The following NPAS3 variants were observed in gnomAD, a reference collection of about 807,000 sequenced individuals.
NPAS3 encodes the protein neuronal PAS domain protein 3, also known as neuronal PAS domain-containing protein 3.
NPAS3 carries 14 observed loss-of-function variants against 73.1 expected under a neutral mutation model. The ratio of observed to expected loss-of-function variants is 0.19; its 90% CI spans 0.13 to 0.30. The LOEUF is 0.30. Ranked by LOEUF, NPAS3 falls within the 10% of genes least tolerant of loss-of-function variation. The pLI, the probability that NPAS3 is intolerant of heterozygous loss-of-function variation, is 1.00. For synonymous variants in NPAS3, 620 were observed against 541.5 expected (o/e 1.14, Z -2.01); for missense variants, 1,096 against 1,250.0 (o/e 0.88, Z 1.86).
chr14:33,544,800 A>ATATATT (rs1555409930), intron 4 of NPAS3, among the ~76,000 whole-genome samples: 1 of 84,602 alleles, frequency 1.2e-5, no homozygotes, highest in Admixed American at 1.2e-4. Flanking sequence ...ATATATATAT[A>ATATATT]TATATATATA....
intron 2 of NPAS3, among the ~76,000 whole-genome samples, chr14:33,086,080 G>A (rs1034497870): frequency 4.6e-5 from 7 of 152,160 alleles, no homozygotes; most frequent in Non-Finnish European, 8.8e-5. Context: ...ACTCAGAAAG[G>A]CTGTAGATAC....
intron 1 of NPAS3, among the ~76,000 whole-genome samples, chr14:33,023,600 T>G (rs866005828): frequency 3.3e-5 from 5 of 152,190 alleles, no homozygotes; most frequent in African/African-American, 9.7e-5. Context: ...AATGTAGCAT[T>G]GGTAAAATAG....
At chr14:33,019,466 G>A (rs2039512066) in intron 1 of NPAS3, among the ~76,000 whole-genome samples, 1 of 152,060 alleles carries the variant, frequency 6.6e-6, no homozygotes, top group South Asian at 2.1e-4. Flanking sequence ...ATGGCTTTCT[G>A]ACAGTAGCCT....
At chr14:33,079,336 T>TTTTTTTTTTTTTTA in intron 2 of NPAS3, among the ~76,000 whole-genome samples, 3 of 149,940 alleles carry the variant, frequency 2.0e-5, no homozygotes, top group Admixed American at 1.3e-4. Flanking sequence ...TTTTTTTTTT[T>TTTTTTTTTTTTTTA]GAGACAGAGT....
At chr14:33,280,708 G>A (rs2041564774) in intron 3 of NPAS3, among the ~76,000 whole-genome samples, 3 of 152,272 alleles carry the variant, frequency 2.0e-5, no homozygotes, top group Admixed American at 2.0e-4. Flanking sequence ...GGAAAAAACA[G>A]GTAACTTTTG....
intron 2 of NPAS3, among the ~76,000 whole-genome samples, chr14:33,207,775 A>G (rs1403387092): frequency 6.6e-6 from 1 of 152,218 alleles, no homozygotes; most frequent in Non-Finnish European, 1.5e-5. Flanking sequence ...ACAGCAGCTC[A>G]GAGCAGAGCC....
upstream of NPAS3, among the ~76,000 whole-genome samples, chr14:32,937,425 GA>G (rs1265204829): frequency 6.6e-6 from 1 of 152,112 alleles, no homozygotes; most frequent in African/African-American, 2.4e-5. Flanking sequence ...TCTTCGGGCA[GA>G]AACCCCCTAG....
At chr14:33,053,954 C>G (rs549381800) in intron 1 of NPAS3, among the ~76,000 whole-genome samples, 1 of 152,138 alleles carries the variant, frequency 6.6e-6, no homozygotes, top group Non-Finnish European at 1.5e-5. Context: ...TATAAGAAAT[C>G]AATTTTAAAG....
intron 5 of NPAS3, among the ~76,000 whole-genome samples, chr14:33,617,020 T>C (rs2057940984): frequency 6.6e-6 from 1 of 152,216 alleles, no homozygotes. Flanking sequence ...CTGCAGCACC[T>C]TCACTTTCCC....
chr14:33,790,694 A>T (rs2063332817), intron 9 of NPAS3, among the ~76,000 whole-genome samples: 1 of 152,100 alleles, frequency 6.6e-6, no homozygotes, highest in Non-Finnish European at 1.5e-5. Context: ...TTTGAGCCAG[A>T]GTCTCGCTTT....
At chr14:33,518,293 T>A in intron 4 of NPAS3, among the ~76,000 whole-genome samples, 1 of 151,356 alleles carries the variant, frequency 6.6e-6, no homozygotes, top group East Asian at 1.9e-4. Flanking sequence ...TAACTCATGG[T>A]GGGGGTGGGA....
chr14:33,791,348 T>C (rs1253180801), intron 9 of NPAS3, among the ~76,000 whole-genome samples: 1 of 152,208 alleles, frequency 6.6e-6, no homozygotes, highest in Non-Finnish European at 1.5e-5. Flanking sequence ...CCTCTCATAT[T>C]TAGCTCTCCT....
intron 5 of NPAS3, among the ~76,000 whole-genome samples, chr14:33,605,232 A>G (rs761150913): frequency 2.6e-5 from 4 of 152,036 alleles, no homozygotes; most frequent in Admixed American, 6.6e-5. Flanking sequence ...AAAAAACCCT[A>G]TAACTGACAT....
At chr14:33,433,315 C>T (rs1401008170) in intron 4 of NPAS3, among the ~76,000 whole-genome samples, 1 of 152,128 alleles carries the variant, frequency 6.6e-6, no homozygotes, top group African/African-American at 2.4e-5. Context: ...ATTATAGTCC[C>T]ATGTACATTT....
At chr14:33,069,253 G>C (rs1246502462) in intron 2 of NPAS3, among the ~76,000 whole-genome samples, 1 of 152,176 alleles carries the variant, frequency 6.6e-6, no homozygotes, top group Non-Finnish European at 1.5e-5. Flanking sequence ...TCACATGTAT[G>C]CAAATAAGTA....
intron 1 of NPAS3, among the ~76,000 whole-genome samples, chr14:32,996,993 G>A (rs1478345471): frequency 2.6e-5 from 4 of 152,146 alleles, no homozygotes; most frequent in African/African-American, 9.7e-5. Context: ...CAGCTAGGAG[G>A]GAGGCTGTAC....
At chr14:33,183,063 C>G (rs2045852229) in intron 2 of NPAS3, among the ~76,000 whole-genome samples, 1 of 152,154 alleles carries the variant, frequency 6.6e-6, no homozygotes, top group Non-Finnish European at 1.5e-5. Flanking sequence ...TATCCTTCCA[C>G]CTTCCTTTAA....
At chr14:33,757,022 G>A (rs1361947864) in intron 7 of NPAS3, among the ~76,000 whole-genome samples, 1 of 152,166 alleles carries the variant, frequency 6.6e-6, no homozygotes, top group Non-Finnish European at 1.5e-5. Context: ...AGGAATTCTT[G>A]GTCTGAAAGG....
chr14:33,713,947 C>G (rs2060889628), intron 6 of NPAS3, among the ~76,000 whole-genome samples: 1 of 152,102 alleles, frequency 6.6e-6, no homozygotes, highest in African/African-American at 2.4e-5. Flanking sequence ...TACCTCTGGA[C>G]TCTTGTACAG....
Sources: allele counts gnomAD v4.1 joint callset (sites outside exome capture counted in the v4.1 genomes callset), GRCh38; gene constraint gnomAD v4.1.1; transcripts MANE v1.5; gene names NCBI Gene and HGNC (gene_info 2026-07-23, HGNC 2026-07-21).